NAA11: variants seen among roughly 807,000 people sequenced by gnomAD.
The protein encoded by NAA11 is N-alpha-acetyltransferase 11, NatA catalytic subunit.
In NAA11, 15 loss-of-function variants were observed where a neutral mutation model predicts 16.1. The observed-to-expected ratio is 0.93, with a 90% CI of 0.62 to 1.44. The LOEUF is 1.44. Among genes scored for constraint, NAA11 ranks in the 40% most tolerant of loss-of-function variants. The pLI, the probability that NAA11 is intolerant of heterozygous loss-of-function variation, is 0.00. For missense variants in NAA11, 298 were observed against 291.3 expected, an observed-to-expected ratio of 1.02 and a Z score of -0.17; for synonymous variants, 122 against 112.4, an observed-to-expected ratio of 1.09 and a Z score of -0.54.
chr4:79,180,028 G>A, the NAA11 span, among the ~76,000 whole-genome samples: 1 of 152,048 alleles, frequency 6.6e-6, no homozygotes, highest in African/African-American at 2.4e-5. Flanking sequence ...ACAGCATGGG[G>A]GAAACTGCCC....
rs1423959088 is a variant in NAA11, at chr4:79,317,707, G to A, written c.*97C>T. The A allele has an allele frequency of 1.3e-5, 2 of 152,248 alleles. No homozygotes were observed. Among genetic ancestry groups the A allele is most frequent in the Non-Finnish European group, 2.9e-5 (2 of 68,094 alleles). The allele number at this position is 152,248 out of a possible 1,614,324, so 9.4% of individuals were successfully genotyped here. On this transcript the variant is annotated 3_prime_UTR_variant, in exon 2 of 2. Transcript: ENST00000286794. ...GAAGCCATTCTGGTCACTGTGAGAT[G>A]ATCCCCACAGCAGATGCTGCAGAGC...
At chr4:79,279,665 A>G (rs536575344) in intron 2 of NAA11, among the ~76,000 whole-genome samples, 1 of 152,186 alleles carries the variant, frequency 6.6e-6, no homozygotes, top group Admixed American at 6.6e-5. Context: ...ATCCCTCTGT[A>G]TGTGCCAAAT....
At chr4:79,259,762 A>G (rs573631918) in intron 2 of NAA11, among the ~76,000 whole-genome samples, 8 of 152,292 alleles carry the variant, frequency 5.3e-5, no homozygotes, top group African/African-American at 1.9e-4. Context: ...CCTTTCTCAT[A>G]GTTAGGAATA....
intron 2 of NAA11, among the ~76,000 whole-genome samples, chr4:79,229,327 A>G (rs1227786193): frequency 2.0e-5 from 3 of 151,962 alleles, no homozygotes; most frequent in Admixed American, 6.6e-5. Flanking sequence ...CTCCTTGTCA[A>G]TTAAAATACC....
At chr4:79,273,618 A>G (rs747305038) in intron 2 of NAA11, among the ~76,000 whole-genome samples, 23 of 152,050 alleles carry the variant, frequency 1.5e-4, no homozygotes, top group Non-Finnish European at 1.3e-4. Context: ...CAATAAAACT[A>G]TGTGATAAAG....
At chr4:79,204,932 C>CAT in the NAA11 span, among the ~76,000 whole-genome samples, 17 of 148,972 alleles carry the variant, frequency 1.1e-4, no homozygotes, top group African/African-American at 4.4e-4. Context: ...TGTGTATACA[C>CAT]ACACACACAC....
intron 2 of NAA11, among the ~76,000 whole-genome samples, chr4:79,264,027 A>T (rs1221439751): frequency 6.6e-6 from 1 of 152,180 alleles, no homozygotes; most frequent in Admixed American, 6.6e-5. Flanking sequence ...GATTATAGGC[A>T]TGAGCCACTG....
chr4:79,177,223 T>C, the NAA11 span, among the ~76,000 whole-genome samples: 1 of 152,006 alleles, frequency 6.6e-6, no homozygotes, highest in East Asian at 1.9e-4. Flanking sequence ...CAGCTCATAA[T>C]GTTTTGGGGG....
At chr4:79,272,289 A>G (rs928903176) in intron 2 of NAA11, among the ~76,000 whole-genome samples, 3 of 152,076 alleles carry the variant, frequency 2.0e-5, no homozygotes, top group African/African-American at 7.2e-5. Context: ...GAATTTGTAC[A>G]GTTTTCCAAA....
intron 1 of NAA11, among the ~76,000 whole-genome samples, chr4:79,319,621 G>C (rs2110016112): frequency 6.6e-6 from 1 of 152,172 alleles, no homozygotes; most frequent in East Asian, 1.9e-4. Flanking sequence ...CATCCTACAT[G>C]TACATCATAC....
chr4:79,176,930 T>A, the NAA11 span, among the ~76,000 whole-genome samples: 3 of 152,130 alleles, frequency 2.0e-5, no homozygotes, highest in Non-Finnish European at 2.9e-5. Flanking sequence ...CACCCTCAGG[T>A]GTCATACCTG....
chr4:79,246,884 C>A (rs1488223614), intron 2 of NAA11, among the ~76,000 whole-genome samples: 1 of 152,208 alleles, frequency 6.6e-6, no homozygotes, highest in African/African-American at 2.4e-5. Flanking sequence ...GAATCACCCT[C>A]TCTCAAGGGA....
At chr4:79,254,679 T>G (rs1463250241) in intron 2 of NAA11, among the ~76,000 whole-genome samples, 1 of 149,934 alleles carries the variant, frequency 6.7e-6, no homozygotes, top group Non-Finnish European at 1.5e-5. Context: ...TTTTAGTTAA[T>G]TTAATTTATT....
downstream of NAA11, among the ~76,000 whole-genome samples, chr4:79,225,397 A>G (rs1188266144): frequency 6.6e-6 from 1 of 152,128 alleles, no homozygotes; most frequent in Non-Finnish European, 1.5e-5. Context: ...TACCTTACGT[A>G]AAGTGTCACT....
chr4:79,305,784 A>G lies in NAA11; in HGVS notation c.*13-11670T>C, dbSNP rs748663765. On this transcript the variant is annotated intron_variant and NMD_transcript_variant, in intron 1 of 2. Coordinates refer to the NAA11 transcript ENST00000511542. ...CAGGCATCTTCCTCATTTTTTAGGT[A>G]TATTGAAAGACTCTCAAATGGTATA... is the stretch of plus-strand genomic sequence containing the variant. Among the ~76,000 whole-genome samples the G allele has an allele frequency of 4.6e-5, 7 of 152,200 alleles. 1 individual carries two copies. The highest frequency in any genetic ancestry group is 1.3e-4 in the Admixed American group (2 of 15,278).
the NAA11 span, among the ~76,000 whole-genome samples, chr4:79,187,823 C>T: frequency 6.6e-6 from 1 of 151,530 alleles, no homozygotes; most frequent in Non-Finnish European, 1.5e-5. Flanking sequence ...GGTGAAACCC[C>T]GTCACTACTA....
chr4:79,250,668 A>G (rs1305706379), intron 2 of NAA11, among the ~76,000 whole-genome samples: 1 of 152,240 alleles, frequency 6.6e-6, no homozygotes, highest in Admixed American at 6.5e-5. Flanking sequence ...GCACAGCCAA[A>G]GAAACTATCA....
chr4:79,168,424 T>C, the NAA11 span, among the ~76,000 whole-genome samples: 1 of 152,234 alleles, frequency 6.6e-6, no homozygotes, highest in Non-Finnish European at 1.5e-5. Context: ...TTTCTGGTTC[T>C]AGATCCTTGA....
the NAA11 span, among the ~76,000 whole-genome samples, chr4:79,187,849 A>T: frequency 6.6e-6 from 1 of 151,784 alleles, no homozygotes; most frequent in Non-Finnish European, 1.5e-5. Context: ...TACAAAAAAA[A>T]TTAGCCGGGC....
Sources: gnomAD v4.1 joint callset for allele counts (sites outside exome capture counted in the v4.1 genomes callset) on GRCh38, gnomAD v4.1.1 for gene constraint, MANE v1.5 for transcripts, NCBI Gene and HGNC (gene_info 2026-07-23, HGNC 2026-07-21) for gene names.